Variants in NTRK2 observed in about 807,000 individuals in gnomAD.
The protein encoded by NTRK2 is neurotrophic receptor tyrosine kinase 2.
In NTRK2, 13 loss-of-function variants were observed where a neutral mutation model predicts 94.5. That is an observed-to-expected ratio of 0.14 (90% CI 0.09 to 0.22). The LOEUF (loss-of-function observed/expected upper bound fraction) is 0.22, where lower values mean the gene tolerates loss of function less well. Ranked by LOEUF, NTRK2 falls within the 10% of genes least tolerant of loss-of-function variation. The probability of loss-of-function intolerance (pLI) is 1.00; values close to 1 mark genes in which losing one functional copy is unlikely to be tolerated. For missense variants in NTRK2, 639 were observed against 1,071.2 expected (o/e 0.60, Z 5.63); for synonymous variants, 372 against 407.4 (o/e 0.91, Z 1.05).
At chr9:84,935,026 T>G (rs1211768117) in intron 15 of NTRK2, among the ~76,000 whole-genome samples, 1 of 152,170 alleles carries the variant, frequency 6.6e-6, no homozygotes, top group Non-Finnish European at 1.5e-5. Context: ...CACAAAAGGC[T>G]TCAGGTATTT....
At chr9:84,804,527 T>G (rs2070874942) in intron 12 of NTRK2, among the ~76,000 whole-genome samples, 3 of 152,222 alleles carry the variant, frequency 2.0e-5, no homozygotes, top group Admixed American at 1.3e-4. Flanking sequence ...TCTTGCAGAT[T>G]TTATATAGTT....
chr9:84,758,081 A>T lies in NTRK2; in HGVS notation c.1396+5996A>T, dbSNP rs561891597. On this transcript the variant is annotated intron_variant, in intron 12 of 18. Coordinates refer to ENST00000277120, the MANE Select transcript of NTRK2 (RefSeq NM_006180.6). Reference sequence around the variant, plus strand: ...ATATCTTTATCATGTGAAAAATAAGAGTAATGTTTATTTTTATTGTTGAGT... The same window carrying T: ...ATATCTTTATCATGTGAAAAATAAGTGTAATGTTTATTTTTATTGTTGAGT... 2.0e-5 allele frequency among the ~76,000 whole-genome samples: 3 copies of T among 152,036 alleles called. No homozygotes were observed. The South Asian group carries it at 6.2e-4, about 32-fold the overall frequency.
intron 14 of NTRK2, among the ~76,000 whole-genome samples, chr9:84,902,888 C>A (rs561149165): frequency 6.6e-6 from 1 of 152,160 alleles, no homozygotes; most frequent in East Asian, 1.9e-4. Context: ...CACAATGAAG[C>A]CTTCTGTAGC....
intron 9 of NTRK2, among the ~76,000 whole-genome samples, chr9:84,740,944 G>T (rs1383855159): frequency 6.6e-6 from 1 of 152,166 alleles, no homozygotes; most frequent in Non-Finnish European, 1.5e-5. Flanking sequence ...AAGCTTTATG[G>T]TTTACAAGTT....
intron 2 of NTRK2, among the ~76,000 whole-genome samples, chr9:84,691,775 G>GT (rs1361994147): frequency 6.6e-6 from 1 of 152,134 alleles, no homozygotes; most frequent in Admixed American, 6.5e-5. Flanking sequence ...AGCAGAGAAG[G>GT]TTTTGGCCTA....
At chr9:84,824,712 G>A (rs200754669) in intron 12 of NTRK2, among the ~76,000 whole-genome samples, 1 of 152,316 alleles carries the variant, frequency 6.6e-6, no homozygotes, top group East Asian at 1.9e-4. Flanking sequence ...TGAGTTCTGG[G>A]CCTATGAGAC....
intron 17 of NTRK2, among the ~76,000 whole-genome samples, chr9:85,018,306 A>G (rs1832453331): frequency 1.3e-5 from 2 of 152,228 alleles, no homozygotes; most frequent in Admixed American, 6.5e-5. Flanking sequence ...TTATGGCTTC[A>G]GAGAATGGCA....
At chr9:84,920,798 A>C (rs2077541375) in intron 14 of NTRK2, among the ~76,000 whole-genome samples, 1 of 152,190 alleles carries the variant, frequency 6.6e-6, no homozygotes, top group Admixed American at 6.5e-5. Context: ...TACCTTTCTA[A>C]GGAGGTGCTG....
intron 11 of NTRK2, among the ~76,000 whole-genome samples, chr9:84,747,482 T>G (rs2064188253): frequency 7.0e-6 from 1 of 142,914 alleles, no homozygotes. Flanking sequence ...GGTTTTTTTT[T>G]TTTTTTTTTT....
At chr9:84,739,212 C>G (rs1012896342) in intron 9 of NTRK2, among the ~76,000 whole-genome samples, 2 of 151,850 alleles carry the variant, frequency 1.3e-5, no homozygotes, top group East Asian at 1.9e-4. Context: ...CACCATGCCT[C>G]GCTAATTTTT....
intron 14 of NTRK2, among the ~76,000 whole-genome samples, chr9:84,870,331 G>GTGTGTGTGTGTGTA (rs1349303529): frequency 2.6e-4 from 8 of 31,182 alleles, no homozygotes; most frequent in South Asian, 6.1e-3. Flanking sequence ...GTGTGTGTGT[G>GTGTGTGTGTGTGTA]TATATATATA....
intron 12 of NTRK2, among the ~76,000 whole-genome samples, chr9:84,792,621 C>G (rs1012743143): frequency 6.6e-6 from 1 of 152,196 alleles, no homozygotes; most frequent in African/African-American, 2.4e-5. Context: ...AGACAGTGGT[C>G]AAACGTAGAC....
At chr9:84,752,519 C>A (rs752305121) in intron 12 of NTRK2, among the ~76,000 whole-genome samples, 1 of 152,148 alleles carries the variant, frequency 6.6e-6, no homozygotes, top group African/African-American at 2.4e-5. Context: ...TTTTCCAGAT[C>A]CTCATTCTTT....
chr9:84,932,414 A>G (rs986576836), intron 14 of NTRK2, among the ~76,000 whole-genome samples: 13 of 152,202 alleles, frequency 8.5e-5, no homozygotes, highest in Non-Finnish European at 1.9e-4. Flanking sequence ...CAATCAGGAA[A>G]GAACACACTG....
chr9:84,777,793 A>G (rs4877880), intron 12 of NTRK2, among the ~76,000 whole-genome samples: 117,139 of 152,104 alleles, frequency 0.77, 45,279 homozygotes, highest in East Asian at 0.89. Context: ...TTTCGACAGT[A>G]AAGGTAGTTT....
chr9:85,001,382 C>A (rs1830326270), intron 17 of NTRK2, among the ~76,000 whole-genome samples: 2 of 152,214 alleles, frequency 1.3e-5, no homozygotes, highest in Admixed American at 1.3e-4. Context: ...TTTGCCTTTT[C>A]AGATGATGGG....
chr9:84,913,892 AT>A (rs1247487724), intron 14 of NTRK2, among the ~76,000 whole-genome samples: 8 of 151,456 alleles, frequency 5.3e-5, no homozygotes, highest in African/African-American at 1.9e-4. Context: ...TTTTTGCCAT[AT>A]CTTCTTTTTT....
chr9:84,994,497 C>A (rs902257232), intron 17 of NTRK2, among the ~76,000 whole-genome samples: 1 of 152,172 alleles, frequency 6.6e-6, no homozygotes, highest in African/African-American at 2.4e-5. Context: ...AGGCAGGTTC[C>A]CCAGGCAGTG....
chr9:84,858,874 G>GA (rs965433677), intron 12 of NTRK2, among the ~76,000 whole-genome samples: 28 of 150,648 alleles, frequency 1.9e-4, no homozygotes, highest in East Asian at 3.9e-4. Context: ...AAAAAAGAAT[G>GA]AAAAAAAAAC....
Sources: allele counts gnomAD v4.1 joint callset (sites outside exome capture counted in the v4.1 genomes callset), GRCh38; gene constraint gnomAD v4.1.1; transcripts MANE v1.5; gene names NCBI Gene and HGNC (gene_info 2026-07-23, HGNC 2026-07-21).